The following STAB2 variants were observed in gnomAD, a reference collection of about 807,000 sequenced individuals.
The protein encoded by STAB2 is stabilin-2.
In STAB2, 288 loss-of-function variants were observed where a neutral mutation model predicts 338.1. The ratio of observed to expected loss-of-function variants is 0.85; its 90% CI spans 0.77 to 0.94. STAB2 has a LOEUF of 0.94. Ranked by LOEUF, STAB2 falls within the 40% of genes least tolerant of loss-of-function variation. The pLI is 0.00. For synonymous variants in STAB2, 1,202 were observed against 1,193.3 expected (o/e 1.01, Z -0.15); for missense variants, 3,141 against 3,210.1 (o/e 0.98, Z 0.52).
intron 5 of STAB2, 80 bp from the exon 6 acceptor site, chr12:103,631,518 G>A: frequency 1.5e-6 from 2 of 1,354,418 alleles, no homozygotes; most frequent in Non-Finnish European, 2.1e-6. Flanking sequence ...CAGCAAAGAT[G>A]ATCTAAAAAC....
chr12:103,725,951 T>A (rs907325722), intron 45 of STAB2, among the ~76,000 whole-genome samples, 165 bp from the exon 46 acceptor site: 2 of 152,190 alleles, frequency 1.3e-5, no homozygotes. Context: ...TATGTCCACA[T>A]AGTCATTCTG....
chr12:103,692,575 TTC>T (rs147557353), intron 30 of STAB2, among the ~76,000 whole-genome samples: 86 of 149,282 alleles, frequency 5.8e-4, no homozygotes, highest in South Asian at 1.7e-3. Context: ...CTCTTTTTCT[TTC>T]TCTCTCTCTC....
At chr12:103,709,096 A>G (rs990902219) in intron 39 of STAB2, among the ~76,000 whole-genome samples, 1 of 152,148 alleles carries the variant, frequency 6.6e-6, no homozygotes, top group Non-Finnish European at 1.5e-5. Context: ...GGAAATAGCA[A>G]TTTATTCTCC....
intron 2 of STAB2, chr12:103,592,200 G>A (rs1277836788): frequency 6.6e-6 from 1 of 152,102 alleles, no homozygotes; most frequent in Non-Finnish European, 1.5e-5. Context: ...CGTGATTAAT[G>A]TCTCTGCATA....
intron 12 of STAB2, among the ~76,000 whole-genome samples, chr12:103,653,392 A>G (rs1345066206): frequency 1.3e-5 from 2 of 150,518 alleles, no homozygotes; most frequent in Non-Finnish European, 2.9e-5. Flanking sequence ...CCTGTAAAGG[A>G]GGGACTTCAT....
In STAB2 at chr12:103,755,645, G is replaced by T. The variant is rs1338845758; in HGVS notation, c.6914G>T (p.Gly2305Val). The change falls in exon 63 of 69, where the codon GGA becomes GTA. Residue 2305 changes from glycine to valine, a missense_variant. Transcript: ENST00000388887. ...TGCACCTGCAAGGTGGGCTATGTGG[G>T]AGATGGCTTCTCATGCAGTGGGAAC... ...VNCTCKVGYVGDGFSCSGNLL... is the reference protein window; with the variant it reads ...VNCTCKVGYVVDGFSCSGNLL... 6.2e-7 allele frequency: 1 copy of T among 1,614,076 alleles called. No individual in the cohort carries two copies. The highest frequency in any genetic ancestry group is 8.5e-7 in the Non-Finnish European group (1 of 1,180,054).
At chr12:103,645,194 A>G (rs1298704790) in intron 9 of STAB2, among the ~76,000 whole-genome samples, 1 of 152,240 alleles carries the variant, frequency 6.6e-6, no homozygotes, top group Non-Finnish European at 1.5e-5. Context: ...TAAGACAGCA[A>G]GAGACATTTA....
chr12:103,726,272 T>G, intron 46 of STAB2, 109 bp downstream of exon 46: 1 of 1,138,414 alleles, frequency 8.8e-7, no homozygotes, highest in Non-Finnish European at 1.3e-6. Flanking sequence ...GCAGATTGCC[T>G]GAGCTCAGGA....
intron 2 of STAB2, 53 bp downstream of exon 2, chr12:103,591,083 C>T: frequency 6.2e-7 from 1 of 1,605,524 alleles, no homozygotes; most frequent in Non-Finnish European, 8.5e-7. Context: ...TTGAAGCTCC[C>T]TGTCTCAAAA....
intron 51 of STAB2, among the ~76,000 whole-genome samples, chr12:103,735,064 C>T (rs147358682): frequency 1.7e-3 from 253 of 152,322 alleles, no homozygotes; most frequent in Non-Finnish European, 2.9e-3. Flanking sequence ...TCAGCAATGA[C>T]CTCATTTCCA....
At chr12:103,620,007 G>A (rs1458858910) in intron 3 of STAB2, among the ~76,000 whole-genome samples, 1 of 152,070 alleles carries the variant, frequency 6.6e-6, no homozygotes, top group Non-Finnish European at 1.5e-5. Context: ...CCCTTCTCTG[G>A]ACTCCCTCAA....
chr12:103,655,437 T>C lies in STAB2; in HGVS notation c.1609-19T>C, dbSNP rs1593188426. ...TCCAAGGTAGGCTGCAGATACAAAA[T>C]TTCATTTCCCAAATGCAGGAAACCA... On this transcript the variant is annotated intron_variant, in intron 14 of 68. Coordinates refer to ENST00000388887, the MANE Select transcript of STAB2 (RefSeq NM_017564.10). 1 of 1,613,150 alleles carries C rather than the reference T, an allele frequency of 6.2e-7. No individual in the cohort carries two copies. The highest frequency in any genetic ancestry group is 8.5e-7 in the Non-Finnish European group (1 of 1,179,426).
At position 103,706,772 on chromosome 12, in the gene STAB2, G is replaced by C; in HGVS notation, c.3997-20G>C. ...CCAGAGGATAGAAGTGCGTTGTCAA[G>C]CTTTGTCCTTCTGTTTCAGACGAGA... On this transcript the variant is annotated intron_variant, in intron 37 of 68. Transcript: ENST00000388887. 1 of 1,614,136 alleles carries C rather than the reference G, an allele frequency of 6.2e-7. No individual in the cohort carries two copies. The highest frequency in any genetic ancestry group is 1.1e-5 in the South Asian group (1 of 91,074).
rs1879431465 is a variant in STAB2 at position 103,707,042 on chromosome 12, A to G, written c.4192+55A>G. 1.9e-6 allele frequency: 3 copies of G among 1,587,784 alleles called. No individual in the cohort carries two copies. The Admixed American group carries it at 5.1e-5, about 27-fold the overall frequency. On this transcript the variant is annotated intron_variant, in intron 38 of 68. Coordinates refer to ENST00000388887, the MANE Select transcript of STAB2 (RefSeq NM_017564.10). ...TGGGCTGCTGAAACCAACCAGGAAT[A>G]TGCAGGGAAAGAGTGATCCCACACG...
intron 24 of STAB2, among the ~76,000 whole-genome samples, chr12:103,676,999 T>C (rs1052050396): frequency 1.3e-5 from 2 of 152,122 alleles, no homozygotes; most frequent in African/African-American, 4.8e-5. Context: ...CCTCTCTCCT[T>C]CTCATTCTGT....
At chr12:103,765,741 C>T (rs896271160) in intron 68 of STAB2, among the ~76,000 whole-genome samples, 3 of 111,268 alleles carry the variant, frequency 2.7e-5, no homozygotes, top group African/African-American at 2.9e-5. Flanking sequence ...AAGGTTTCAC[C>T]GTGTTGCTCA....
At chr12:103,642,203 C>A (rs972502915) in intron 9 of STAB2, among the ~76,000 whole-genome samples, 2 of 152,192 alleles carry the variant, frequency 1.3e-5, no homozygotes, top group African/African-American at 4.8e-5. Context: ...CGCTAAGCTC[C>A]ATTTTGATTC....
intron 31 of STAB2, among the ~76,000 whole-genome samples, chr12:103,693,292 A>G (rs1288481969): frequency 6.8e-6 from 1 of 147,172 alleles, no homozygotes; most frequent in African/African-American, 2.5e-5. Flanking sequence ...TCTCTCTACC[A>G]AAAAAAAAAG....
chr12:103,705,801 A>G, intron 37 of STAB2, 74 bp downstream of exon 37: 2 of 1,426,134 alleles, frequency 1.4e-6, no homozygotes, highest in South Asian at 2.3e-5. Flanking sequence ...ATCCTTTTCA[A>G]AATCCCTGTG....
Sources: allele counts gnomAD v4.1 joint callset (sites outside exome capture counted in the v4.1 genomes callset), GRCh38; gene constraint gnomAD v4.1.1; transcripts MANE v1.5; gene names NCBI Gene and HGNC (gene_info 2026-07-23, HGNC 2026-07-21).